GBP4: variants seen among roughly 807,000 people sequenced by gnomAD.
The protein encoded by GBP4 is guanylate-binding protein 4.
In GBP4, 69 loss-of-function variants were observed where a neutral mutation model predicts 62.2. The ratio of observed to expected loss-of-function variants is 1.11; its 90% CI spans 0.91 to 1.36. GBP4 has a LOEUF of 1.36. Ranked by LOEUF, GBP4 falls within the 40% of genes most tolerant of loss-of-function variation. The probability of loss-of-function intolerance (pLI) is 0.00; values close to 1 mark genes in which losing one functional copy is unlikely to be tolerated. For synonymous variants in GBP4, 278 were observed against 274.6 expected (o/e 1.01, Z -0.12); for missense variants, 697 against 759.3 (o/e 0.92, Z 0.96).
chr1:89,192,955 T>G lies in GBP4; in HGVS notation c.619A>C (p.Asn207His), dbSNP rs1356550549. Reference protein sequence around the residue: ...DFTLELKLDGNPITEDEYLEN... With the variant: ...DFTLELKLDGHPITEDEYLEN... Reference sequence around the variant, plus strand: ...AGGTACTCATCTTCTGTGATGGGGTTTCCATCTAACTTTAGCTCCAGGGTA... The same window carrying G: ...AGGTACTCATCTTCTGTGATGGGGTGTCCATCTAACTTTAGCTCCAGGGTA... The change falls in exon 5 of 11, where the codon AAC (asparagine) becomes CAC (histidine). Residue 207 changes from asparagine to histidine, a missense_variant. Coordinates refer to ENST00000355754, the MANE Select transcript of GBP4 (RefSeq NM_052941.5). 8 of 1,614,062 alleles carry G rather than the reference T, an allele frequency of 5.0e-6. No homozygotes were observed. Among genetic ancestry groups the G allele is most frequent in the Admixed American group, 3.3e-5 (2 of 60,000 alleles).
chr1:89,197,383 T>G lies in GBP4; in HGVS notation c.41-79A>C, dbSNP rs1009957297. ...AAGGGCTACCTAAGGCACATACATA[T>G]TAGCTTTTTGCTTGTGGAATGGTAT... On this transcript the variant is annotated intron_variant, in intron 1 of 10. Coordinates refer to ENST00000355754, the MANE Select transcript of GBP4 (RefSeq NM_052941.5). 4.3e-6 allele frequency: 5 copies of G among 1,158,230 alleles called. No homozygotes were observed. The South Asian group carries it at 5.7e-5, about 13-fold the overall frequency. 71.7% of individuals were successfully genotyped at this position (1,158,230 alleles called of 1,614,324 possible).
rs72963419 is a variant in GBP4 at position 89,190,688 on chromosome 1, C to T, written c.917-370G>A. 4.4e-3 allele frequency among the ~76,000 whole-genome samples: 661 copies of T among 151,906 alleles called. 3 individuals are homozygous for T. The highest frequency in any genetic ancestry group is 0.015 in the African/African-American group (640 of 41,444). On this transcript the variant is annotated intron_variant, in intron 6 of 10. Coordinates refer to ENST00000355754, the MANE Select transcript of GBP4 (RefSeq NM_052941.5). ...TGAGTCCTACTTCCAAATAAAAATG[C>T]AAGTCCCCTCATTTCTTATTCTTTA...
chr1:89,193,334 T>C lies in GBP4; in HGVS notation c.442A>G (p.Thr148Ala), dbSNP rs1243922996. The change falls in exon 4 of 11, where the codon ACC becomes GCC. Residue 148 changes from threonine to alanine, a missense_variant. This residue lies in a region of GBP4 where 556 missense variants were observed against 562.7 expected (regional missense o/e 0.99). Coordinates refer to ENST00000355754, the MANE Select transcript of GBP4 (RefSeq NM_052941.5). Reference protein sequence around the residue: ...SSSFVYNSVSTINHQALEQLH... With the variant: ...SSSFVYNSVSAINHQALEQLH... ...TGCTCCAGGGCCTGGTGGTTGATGG[T>C]GCTCACGCTGTTATAGACAAAGCTG... 10 of 1,614,054 alleles carry C rather than the reference T, an allele frequency of 6.2e-6. No homozygotes were observed. The highest frequency in any genetic ancestry group is 2.2e-5 in the East Asian group (1 of 44,888).
chr1:89,195,173 A>G (rs1570377713), intron 3 of GBP4, 124 bp downstream of exon 3: 1 of 1,017,556 alleles, frequency 9.8e-7, no homozygotes, highest in East Asian at 2.5e-5. Flanking sequence ...CTGAGGAAAC[A>G]GAATTTAGCC....
intron 10 of GBP4, among the ~76,000 whole-genome samples, chr1:89,185,700 G>A (rs948935323): frequency 6.6e-6 from 1 of 152,156 alleles, no homozygotes; most frequent in Non-Finnish European, 1.5e-5. Context: ...GAGGTAGAAA[G>A]AAATTTTGTT....
At chr1:89,194,623 C>T (rs7521137) in intron 3 of GBP4, among the ~76,000 whole-genome samples, 10,684 of 152,140 alleles carry the variant, frequency 0.07, 1,246 homozygotes, top group African/African-American at 0.24. Flanking sequence ...ATGGACTGAT[C>T]GCACCTAACA....
At chr1:89,185,850 T>A (rs559614576) in intron 10 of GBP4, among the ~76,000 whole-genome samples, 7 of 152,342 alleles carry the variant, frequency 4.6e-5, no homozygotes, top group Admixed American at 2.0e-4. Context: ...GTTGTCAAGC[T>A]TCAGGTTGGG....
At chr1:89,190,462 C>T (rs900468683) in intron 6 of GBP4, 144 bp from the exon 7 acceptor site, 2 of 587,412 alleles carry the variant, frequency 3.4e-6, no homozygotes, top group Non-Finnish European at 5.5e-6. Context: ...CCTCCTTTTT[C>T]ATCTTCCTCT....
intron 3 of GBP4, 133 bp downstream of exon 3, chr1:89,195,164 T>C: frequency 1.1e-6 from 1 of 929,986 alleles, no homozygotes. Context: ...TAAGGAAGTC[T>C]GAGGAAACAG....
rs1161123901 is a variant in GBP4, at chr1:89,181,322, G to A, written c.*3932C>T. The A allele has an allele frequency of 1.3e-5, 2 of 152,064 alleles. No homozygotes were observed. The highest frequency in any genetic ancestry group is 2.9e-5 in the Non-Finnish European group (2 of 68,028). 9.4% of individuals were successfully genotyped at this position (152,064 alleles called of 1,614,324 possible). On this transcript the variant is annotated 3_prime_UTR_variant, in exon 11 of 11. Transcript: ENST00000355754. ...AGAGGTGGGTGTCACAAGTTGCTTA[G>A]TGGGGGAGCTTTTGAGCCAGGATGA...
chr1:89,183,421 A>G lies in GBP4; in HGVS notation c.*1833T>C, dbSNP rs1419941150. ...CAACTTAAGAAGGATTAAAGACTTA[A>G]ATATAAAACATTAAACTATAAAAAC... On this transcript the variant is annotated 3_prime_UTR_variant, in exon 11 of 11. Transcript: ENST00000355754. 1.3e-5 allele frequency: 2 copies of G among 152,242 alleles called. No individual in the cohort carries two copies. The highest frequency in any genetic ancestry group is 2.9e-5 in the Non-Finnish European group (2 of 68,038). 9.4% of individuals were successfully genotyped at this position (152,242 alleles called of 1,614,324 possible).
At position 89,191,433 on chromosome 1, in the gene GBP4, G is replaced by T; in HGVS notation, c.744C>A (p.Cys248Ter). The T allele has an allele frequency of 6.2e-7, 1 of 1,614,174 alleles. No homozygotes were observed. The highest frequency in any genetic ancestry group is 8.5e-7 in the Non-Finnish European group (1 of 1,179,998). ...CATTTGTAGGCCGGTCAAAGACAAA[G>T]CACTTCCGTTTTCGGAAGAAATGCC... ...CIRHFFRKRK[C>*]FVFDRPTNDK... Residue 248 changes from cysteine to a stop codon, truncating the protein, a stop_gained, in exon 6 of 11, where the codon TGC becomes TGA. Transcript: ENST00000355754. LOFTEE classifies it high-confidence loss of function.
At chr1:89,198,320 G>A (rs1228874913) in intron 1 of GBP4, among the ~76,000 whole-genome samples, 1 of 152,012 alleles carries the variant, frequency 6.6e-6, no homozygotes, top group African/African-American at 2.4e-5. Context: ...CTGAGGAAGC[G>A]GGTGGGTAAG....
Position 89,195,414 on chromosome 1 carries a change from C to G in GBP4, c.246G>C (p.Leu82=). The change falls in exon 3 of 11, where the codon CTG becomes CTC. Residue 82 remains leucine, a synonymous_variant. Transcript: ENST00000355754. Reference sequence around the variant, plus strand: ...TAGTTTCAGACTGCACCGTGGAGCCCAGAGGGAAGCCTGCAGGGAAGAGGA... The same window carrying G: ...TAGTTTCAGACTGCACCGTGGAGCCGAGAGGGAAGCCTGCAGGGAAGAGGA... ...RLAGKRNGFP[L]GSTVQSETKG... is the part of the protein sequence containing the mutation. 6.2e-7 allele frequency: 1 copy of G among 1,613,796 alleles called. No homozygotes were observed. Among genetic ancestry groups the G allele is most frequent in the Non-Finnish European group, 8.5e-7 (1 of 1,179,828 alleles).
In GBP4 at chr1:89,190,246, A is replaced by T. The variant is rs776592075; in HGVS notation, c.989T>A (p.Val330Glu). The part of the protein sequence containing the change: ...SGAVPCLENA[V>E]TALAQLENPA... ...GTTCTCAAGCTGGGCCAGTGCTGTC[A>T]CTGCATTCTCCAGACAAGGTACTGC... is the stretch of plus-strand genomic sequence containing the variant. Residue 330 changes from valine (V) to glutamate (E), a missense_variant, in exon 7 of 11, where the codon GTG becomes GAG. Physicochemically the swap from Val to Glu is moderately radical, Grantham distance 121 (BLOSUM62 -2). Coordinates refer to ENST00000355754, the MANE Select transcript of GBP4 (RefSeq NM_052941.5). The T allele has an allele frequency of 4.9e-5, 79 of 1,614,048 alleles. No homozygotes were observed. Among genetic ancestry groups the T allele is most frequent in the Admixed American group, 2.7e-4 (16 of 60,000 alleles).
intron 7 of GBP4, among the ~76,000 whole-genome samples, chr1:89,189,627 T>G (rs1648126983): frequency 6.6e-6 from 1 of 152,192 alleles, no homozygotes; most frequent in Admixed American, 6.5e-5. Flanking sequence ...AGGAATTCAG[T>G]GAAATTAGAA....
intron 3 of GBP4, among the ~76,000 whole-genome samples, chr1:89,193,894 C>T (rs1412206861): frequency 1.3e-5 from 2 of 152,046 alleles, no homozygotes; most frequent in Non-Finnish European, 2.9e-5. Context: ...TATACAAATT[C>T]AATCAGAATA....
Position 89,195,435 on chromosome 1 carries a change from G to T in GBP4, c.236-11C>A. 6.2e-7 allele frequency: 1 copy of T among 1,613,404 alleles called. No homozygotes were observed. Among genetic ancestry groups the T allele is most frequent in the Non-Finnish European group, 8.5e-7 (1 of 1,179,540 alleles). On this transcript the variant is annotated splice_polypyrimidine_tract_variant and intron_variant, in intron 2 of 10. Transcript: ENST00000355754. ...AGCCCAGAGGGAAGCCTGCAGGGAAGAGGAAAAATAACAAACAGTAACAGT... is the reference window on the plus strand; with the variant it reads ...AGCCCAGAGGGAAGCCTGCAGGGAATAGGAAAAATAACAAACAGTAACAGT...
Position 89,190,293 on chromosome 1 carries a change from A to G in GBP4, c.942T>C (p.Tyr314=), listed in dbSNP as rs371314987. 32 of 1,610,336 alleles carry G rather than the reference A, an allele frequency of 2.0e-5. No individual in the cohort carries two copies. In the African/African-American group the frequency reaches 3.5e-4, roughly 17 times the overall value. The change falls in exon 7 of 11, where the codon TAT becomes TAC. Residue 314 remains tyrosine, a synonymous_variant. Transcript: ENST00000355754. ...CTGCTCCACTGTTGATGGCATCTAC[A>G]TAAGTCACCACCAGAGTCCCCAGCC... ...GKRLGTLVVT[Y]VDAINSGAVP...
Sources: allele counts gnomAD v4.1 joint callset (sites outside exome capture counted in the v4.1 genomes callset), GRCh38; gene constraint gnomAD v4.1.1; regional missense constraint gnomAD v4.1.1; transcripts MANE v1.5; gene names NCBI Gene and HGNC (gene_info 2026-07-23, HGNC 2026-07-21).